The following NFYC variants were observed in gnomAD, a reference collection of about 807,000 sequenced individuals.
NFYC encodes nuclear transcription factor Y subunit gamma, also known as CAAT box DNA-binding protein subunit C.
A neutral mutation model predicts 53.1 loss-of-function variants in NFYC; 25 were observed. The ratio of observed to expected loss-of-function variants is 0.47; its 90% CI spans 0.34 to 0.66. The LOEUF is 0.66. NFYC is among the 30% of genes least tolerant of loss of function. The pLI, the probability that NFYC is intolerant of heterozygous loss-of-function variation, is 0.01. For synonymous variants in NFYC, 145 were observed against 152.6 expected (o/e 0.95, Z 0.37); for missense variants, 260 against 422.7 (o/e 0.62, Z 3.38).
chr1:40,758,273 C>T lies in NFYC; in HGVS notation c.540C>T (p.Ile180=), dbSNP rs780304347. Residue 180 remains isoleucine (I), a synonymous_variant, in exon 6 of 10, where the codon ATC becomes ATT. Coordinates refer to ENST00000447388, the MANE Select transcript of NFYC (RefSeq NM_014223.5). ...CCATCCAGCCTGGGCAGATCATCAT[C>T]GCACAGCCTCAGCAGGGCCAGGTCT... ...TTTIQPGQII[I]AQPQQGQTTP... is the part of the protein sequence containing the mutation. The T allele has an allele frequency of 6.1e-5, 99 of 1,612,586 alleles. No individual in the cohort carries two copies. The highest frequency in any genetic ancestry group is 2.0e-4 in the East Asian group (9 of 44,884).
At chr1:40,735,349 C>T (rs181355746) in intron 1 of NFYC, 1 of 152,944 alleles carries the variant, frequency 6.5e-6, no homozygotes, top group East Asian at 1.9e-4. Flanking sequence ...AATTTGATAA[C>T]TTCTGTTTTG....
At chr1:40,765,516 G>A (rs1646767017) in intron 7 of NFYC, among the ~76,000 whole-genome samples, 1 of 152,196 alleles carries the variant, frequency 6.6e-6, no homozygotes, top group Non-Finnish European at 1.5e-5. Flanking sequence ...AGCTCTTGAA[G>A]GCCAGAGGGA....
At chr1:40,754,353 C>A (rs1363805844) in intron 5 of NFYC, 1 of 534,552 alleles carries the variant, frequency 1.9e-6, no homozygotes, top group Admixed American at 1.9e-5. Flanking sequence ...TCCGTTCTTT[C>A]TGGGCAGTCT....
At chr1:40,757,403 C>T (rs771278227) in intron 5 of NFYC, 2 of 529,514 alleles carry the variant, frequency 3.8e-6, no homozygotes, top group Admixed American at 2.0e-5. Flanking sequence ...ACAGTCTCCA[C>T]TCCGCAGATC....
chr1:40,691,788 G>C lies in NFYC; in HGVS notation c.-88G>C, dbSNP rs968150667. 1 of 452,208 alleles carries C rather than the reference G, an allele frequency of 2.2e-6. No individual in the cohort carries two copies. The highest frequency in any genetic ancestry group is 4.4e-6 in the Non-Finnish European group (1 of 225,068). 28.0% of individuals were successfully genotyped at this position (452,208 alleles called of 1,614,324 possible). A position where few individuals can be genotyped will look rare whatever the true frequency, so the allele number is the denominator to read the frequency against. ...TGACGCACACTTCCCCCTCCCCTCC[G>C]CCGCGCCTGGGCCTCTGCATTGCCC... On this transcript the variant is annotated 5_prime_UTR_variant, in exon 1 of 10. Transcript: ENST00000447388.
At chr1:40,760,808 A>G (rs1457227498) in intron 6 of NFYC, among the ~76,000 whole-genome samples, 2 of 152,138 alleles carry the variant, frequency 1.3e-5, no homozygotes, top group Non-Finnish European at 2.9e-5. Flanking sequence ...TGCTTGTTCT[A>G]TGCCAGACAC....
At chr1:40,760,837 T>G (rs1319773422) in intron 6 of NFYC, among the ~76,000 whole-genome samples, 1 of 152,242 alleles carries the variant, frequency 6.6e-6, no homozygotes, top group African/African-American at 2.4e-5. Flanking sequence ...GCAGGAGGGT[T>G]CAAAGATAAT....
chr1:40,694,292 A>G (rs76757453), intron 1 of NFYC, among the ~76,000 whole-genome samples: 1,582 of 152,340 alleles, frequency 0.01, 15 homozygotes, highest in Middle Eastern at 0.02. Flanking sequence ...ATCCTGAACA[A>G]TGTGTAAAAT....
intron 1 of NFYC, chr1:40,692,123 G>C (rs1414568847): frequency 5.1e-6 from 1 of 197,324 alleles, no homozygotes; most frequent in South Asian, 5.1e-5. Context: ...ACGGCGGGGG[G>C]GCTCGCTCGT....
At chr1:40,728,668 C>T (rs1040871576) in intron 1 of NFYC, among the ~76,000 whole-genome samples, 16 of 152,008 alleles carry the variant, frequency 1.1e-4, no homozygotes, top group Admixed American at 6.6e-5. Context: ...GACGGAGTCT[C>T]GCTGTGCTAC....
At chr1:40,754,614 G>A (rs1646109377) in intron 5 of NFYC, among the ~76,000 whole-genome samples, 1 of 152,170 alleles carries the variant, frequency 6.6e-6, no homozygotes, top group Non-Finnish European at 1.5e-5. Flanking sequence ...TTTCCTTGTT[G>A]AAATTGTTTT....
chr1:40,736,291 G>GA (rs200245528), intron 1 of NFYC, among the ~76,000 whole-genome samples: 9 of 150,116 alleles, frequency 6.0e-5, no homozygotes, highest in African/African-American at 9.8e-5. Flanking sequence ...AAAAGGGAAG[G>GA]AAAAAAAAAG....
At chr1:40,718,665 A>G (rs1348287361) in intron 1 of NFYC, among the ~76,000 whole-genome samples, 1 of 152,224 alleles carries the variant, frequency 6.6e-6, no homozygotes, top group African/African-American at 2.4e-5. Context: ...AATGAATCCT[A>G]AATTCACTAA....
chr1:40,764,483 T>C (rs1022247777), intron 7 of NFYC, among the ~76,000 whole-genome samples: 1 of 152,184 alleles, frequency 6.6e-6, no homozygotes, highest in Non-Finnish European at 1.5e-5. Flanking sequence ...CCCCAAGATT[T>C]CTGTTGAATG....
At chr1:40,736,731 T>C (rs998495699) in intron 1 of NFYC, among the ~76,000 whole-genome samples, 1 of 148,532 alleles carries the variant, frequency 6.7e-6, no homozygotes, top group Non-Finnish European at 1.5e-5. Context: ...TTTTGAGCCC[T>C]GACATGACGC....
intron 1 of NFYC, among the ~76,000 whole-genome samples, chr1:40,721,895 G>T (rs1644340755): frequency 6.6e-6 from 1 of 152,100 alleles, no homozygotes; most frequent in South Asian, 2.1e-4. Context: ...TGAAGGCCGG[G>T]CGCGGTGGCT....
chr1:40,753,103 C>G (rs765914336), intron 4 of NFYC, 48 bp from the exon 5 acceptor site: 5 of 1,395,258 alleles, frequency 3.6e-6, no homozygotes, highest in Non-Finnish European at 5.1e-6. Flanking sequence ...GCCAAGTGAA[C>G]TAGTTTCTCC....
At chr1:40,694,293 T>C (rs976125536) in intron 1 of NFYC, among the ~76,000 whole-genome samples, 1 of 152,218 alleles carries the variant, frequency 6.6e-6, no homozygotes, top group African/African-American at 2.4e-5. Context: ...TCCTGAACAA[T>C]GTGTAAAATT....
chr1:40,731,558 C>A (rs982307646), intron 1 of NFYC, among the ~76,000 whole-genome samples: 2 of 151,830 alleles, frequency 1.3e-5, no homozygotes, highest in African/African-American at 4.8e-5. Flanking sequence ...GACCTCAGCT[C>A]ACTGCAGCCT....
Sources: allele counts gnomAD v4.1 joint callset (sites outside exome capture counted in the v4.1 genomes callset), GRCh38; gene constraint gnomAD v4.1.1; transcripts MANE v1.5; gene names NCBI Gene and HGNC (gene_info 2026-07-23, HGNC 2026-07-21).